The following ACBD3 variants were observed in gnomAD, a reference collection of about 807,000 sequenced individuals.
ACBD3 encodes acyl-CoA binding domain containing 3.
Under a neutral mutation model 66.9 loss-of-function variants are expected in ACBD3, and 30 were observed. That is an observed-to-expected ratio of 0.45 (90% CI 0.34 to 0.61). ACBD3 has a LOEUF of 0.61. ACBD3 is among the 20% of genes least tolerant of loss of function. The probability of loss-of-function intolerance (pLI) is 0.02; values close to 1 mark genes in which losing one functional copy is unlikely to be tolerated. For missense variants in ACBD3, 544 were observed against 664.5 expected, an observed-to-expected ratio of 0.82 and a Z score of 1.99; for synonymous variants, 278 against 259.8, an observed-to-expected ratio of 1.07 and a Z score of -0.68.
rs759374832 is a variant in ACBD3 at position 226,186,668 on chromosome 1, G to T, written c.8C>A (p.Ala3Glu). MA[A>E]VLNAERLEVS... ...CTCGAGTCGCTCTGCGTTCAGCACCGCCGCCATCTCCGGCTGCTGCACCTC... is the reference window on the plus strand; with the variant it reads ...CTCGAGTCGCTCTGCGTTCAGCACCTCCGCCATCTCCGGCTGCTGCACCTC... Residue 3 changes from alanine (A) to glutamate (E), a missense_variant, in exon 1 of 8, where the codon GCG becomes GAG. Physicochemically the swap from Ala to Glu is moderately radical, Grantham distance 107. This residue lies in a region of ACBD3 where 137 missense variants were observed against 145.9 expected (regional missense o/e 0.94). Coordinates refer to ENST00000366812, the MANE Select transcript of ACBD3 (RefSeq NM_022735.4). 5.3e-6 allele frequency: 8 copies of T among 1,502,652 alleles called. No individual in the cohort carries two copies. In the East Asian group the frequency reaches 2.2e-4, roughly 42 times the overall value. The allele number at this position is 1,502,652 out of a possible 1,614,324, so 93.1% of individuals were successfully genotyped here. A position where few individuals can be genotyped will look rare whatever the true frequency, so the allele number is the denominator to read the frequency against.
Position 226,161,602 on chromosome 1 carries a change from CTCT to C in ACBD3, c.654_656del (p.Glu220del), listed in dbSNP as rs774550639. ...CCTCTTCCTCCCGTCGAAGCCTTTCCTCTTCTTCTCTCCTACGTTTCTCTTCCT... is the reference window on the plus strand; with the variant it reads ...CCTCTTCCTCCCGTCGAAGCCTTTCCTCTTCTCTCCTACGTTTCTCTTCCT... On this transcript the variant is annotated inframe_deletion, in exon 4 of 8. Transcript: ENST00000366812. The C allele has an allele frequency of 2.0e-5, 33 of 1,613,850 alleles. No homozygotes were observed. Among genetic ancestry groups the C allele is most frequent in the African/African-American group, 4.0e-5 (3 of 74,878 alleles).
rs958476100 is a variant in ACBD3 at position 226,170,422 on chromosome 1, C to G, written c.287-4422G>C. ...ATCTCCTGACCTCGTGATCTGCCCA[C>G]CTGGGCCTCCCAAAGTGCTGAGATT... On this transcript the variant is annotated intron_variant, in intron 1 of 7. Transcript: ENST00000366812. 4.0e-5 allele frequency among the ~76,000 whole-genome samples: 6 copies of G among 150,754 alleles called. No homozygotes were observed. The East Asian group carries it at 9.7e-4, about 24-fold the overall frequency.
chr1:226,181,323 T>G (rs1656165824), intron 1 of ACBD3, among the ~76,000 whole-genome samples: 1 of 152,210 alleles, frequency 6.6e-6, no homozygotes, highest in African/African-American at 2.4e-5. Context: ...TGTACAGTAT[T>G]TTAAAACATT....
chr1:226,160,853 A>G (rs761717035), intron 4 of ACBD3, among the ~76,000 whole-genome samples: 9 of 152,222 alleles, frequency 5.9e-5, no homozygotes, highest in Non-Finnish European at 7.3e-5. Context: ...CTATAAATGG[A>G]TATCTGACAT....
At chr1:226,183,404 G>A (rs371231138) in intron 1 of ACBD3, among the ~76,000 whole-genome samples, 2 of 151,916 alleles carry the variant, frequency 1.3e-5, no homozygotes, top group Non-Finnish European at 2.9e-5. Flanking sequence ...GGGTGGTCTC[G>A]ATCTCCTGAC....
chr1:226,147,527 C>A (rs1283621130), intron 7 of ACBD3, among the ~76,000 whole-genome samples: 2 of 152,164 alleles, frequency 1.3e-5, no homozygotes, highest in Non-Finnish European at 1.5e-5. Context: ...TCTCATCATC[C>A]TCCTTCTGAC....
chr1:226,146,672 C>G lies in ACBD3; in HGVS notation c.1525G>C (p.Asp509His). The change falls in exon 8 of 8, where the codon GAC (aspartate) becomes CAC (histidine). Residue 509 changes from aspartate to histidine, a missense_variant. Asp to His is a moderately conservative substitution (Grantham distance 81). Coordinates refer to ENST00000366812, the MANE Select transcript of ACBD3 (RefSeq NM_022735.4). ...PGRGVYLLKF[D>H]NSYSLWRSKS... ...GACCGCCACAAAGAGTAGGAGTTGT[C>G]AAACTTGAGGAGATAGACTCCTCTC... is the stretch of plus-strand genomic sequence containing the variant. The G allele has an allele frequency of 6.2e-7, 1 of 1,613,940 alleles. No homozygotes were observed.
In ACBD3 at chr1:226,154,945, A is replaced by T. The variant is rs969846824; in HGVS notation, c.904-112T>A. On this transcript the variant is annotated intron_variant, in intron 5 of 7. Coordinates refer to ENST00000366812, the MANE Select transcript of ACBD3 (RefSeq NM_022735.4). The stretch of plus-strand genomic sequence containing the variant: ...TTTGCCCTACCAAAGTGCTATGCTC[A>T]AGAAATTACTAATAAATTTTTATCA... 46 of 747,158 alleles carry T rather than the reference A, an allele frequency of 6.2e-5. 1 individual carries two copies. The highest frequency in any genetic ancestry group is 8.7e-5 in the Non-Finnish European group (45 of 514,422). The allele number at this position is 747,158 out of a possible 1,614,324, so 46.3% of individuals were successfully genotyped here. A position where few individuals can be genotyped will look rare whatever the true frequency, so the allele number is the denominator to read the frequency against.
intron 5 of ACBD3, among the ~76,000 whole-genome samples, chr1:226,156,494 C>T (rs1659672234): frequency 1.3e-5 from 2 of 152,042 alleles, no homozygotes; most frequent in Non-Finnish European, 2.9e-5. Context: ...TATATGTTCA[C>T]TGCAGGAAAA....
At chr1:226,181,006 A>G (rs1656159358) in intron 1 of ACBD3, among the ~76,000 whole-genome samples, 1 of 151,968 alleles carries the variant, frequency 6.6e-6, no homozygotes, top group Non-Finnish European at 1.5e-5. Context: ...CTCAAAAAAA[A>G]AAAAAAAAAC....
chr1:226,172,155 C>CAAAAAAAAAAA (rs779380166), intron 1 of ACBD3, among the ~76,000 whole-genome samples: 22,555 of 42,966 alleles, frequency 0.52, 6,767 homozygotes, highest in Non-Finnish European at 0.59. Flanking sequence ...AACTCCATCT[C>CAAAAAAAAAAA]AAAAAAAAAA....
chr1:226,154,961 A>AT, intron 5 of ACBD3, 128 bp from the exon 6 acceptor site: 1 of 624,924 alleles, frequency 1.6e-6, no homozygotes, highest in Non-Finnish European at 2.4e-6. Context: ...TTACTAATAA[A>AT]TTTTTATCAG....
At chr1:226,151,818 CA>C (rs1293041774) in intron 7 of ACBD3, among the ~76,000 whole-genome samples, 1 of 151,942 alleles carries the variant, frequency 6.6e-6, no homozygotes, top group East Asian at 1.9e-4. Flanking sequence ...CCAGCCTGAC[CA>C]ACATGGTGAA....
intron 7 of ACBD3, among the ~76,000 whole-genome samples, chr1:226,149,318 C>G (rs1371249081): frequency 6.6e-6 from 1 of 151,688 alleles, no homozygotes; most frequent in East Asian, 1.9e-4. Context: ...TCTCCACCTC[C>G]CGGGTTCAAG....
intron 6 of ACBD3, 109 bp downstream of exon 6, chr1:226,154,538 C>G: frequency 7.6e-7 from 1 of 1,308,160 alleles, no homozygotes. Flanking sequence ...GTTCAACTCT[C>G]ACAAATATGT....
rs993726367 is a variant in ACBD3 at position 226,145,233 on chromosome 1, A to G, written c.*1377T>C. 1 of 152,610 alleles carries G rather than the reference A, an allele frequency of 6.6e-6. No individual in the cohort carries two copies. The highest frequency in any genetic ancestry group is 2.4e-5 in the African/African-American group (1 of 41,460). 9.5% of individuals were successfully genotyped at this position (152,610 alleles called of 1,614,324 possible). On this transcript the variant is annotated 3_prime_UTR_variant, in exon 8 of 8. Coordinates refer to ENST00000366812, the MANE Select transcript of ACBD3 (RefSeq NM_022735.4). ...TACAAAACCAGGTATTAAAAAACAGAAAGAAATACAGCACACAAAAAACTC... is the reference window on the plus strand; with the variant it reads ...TACAAAACCAGGTATTAAAAAACAGGAAGAAATACAGCACACAAAAAACTC...
chr1:226,146,961 A>C, intron 7 of ACBD3, 140 bp from the exon 8 acceptor site: 4 of 758,890 alleles, frequency 5.3e-6, no homozygotes, highest in Non-Finnish European at 8.5e-6. Context: ...GCGTGATCTC[A>C]GCTCATTGCA....
intron 1 of ACBD3, among the ~76,000 whole-genome samples, chr1:226,185,620 T>TAAAAAAAAAA (rs35485594): frequency 3.5e-5 from 5 of 141,610 alleles, no homozygotes; most frequent in Admixed American, 7.1e-5. Flanking sequence ...ATCACCCAAT[T>TAAAAAAAAAA]AAAAAAAAAA....
intron 7 of ACBD3, among the ~76,000 whole-genome samples, chr1:226,149,171 G>C (rs1659513512): frequency 6.6e-6 from 1 of 151,914 alleles, no homozygotes; most frequent in African/African-American, 2.4e-5. Context: ...CAAGCCAGGA[G>C]AAATACATTA....
Sources: allele counts gnomAD v4.1 joint callset (sites outside exome capture counted in the v4.1 genomes callset), GRCh38; gene constraint gnomAD v4.1.1; regional missense constraint gnomAD v4.1.1; transcripts MANE v1.5; gene names NCBI Gene and HGNC (gene_info 2026-07-23, HGNC 2026-07-21).